Variants in CPED1 observed in about 807,000 individuals in gnomAD.
The protein encoded by CPED1 is cadherin like and PC-esterase domain containing 1, also known as cadherin-like and PC-esterase domain-containing protein 1.
CPED1 carries 114 observed loss-of-function variants against 128.2 expected under a neutral mutation model. The observed-to-expected ratio is 0.89, with a 90% CI of 0.76 to 1.04. The LOEUF (loss-of-function observed/expected upper bound fraction) is 1.04. Ranked by LOEUF, CPED1 falls within the 50% of genes least tolerant of loss-of-function variation. CPED1 has a pLI of 0.00. For synonymous variants in CPED1, 462 were observed against 426.7 expected (o/e 1.08, Z -1.02); for missense variants, 1,211 against 1,207.1 (o/e 1.00, Z -0.05).
At chr7:121,031,730 C>T (rs1270114653) in intron 3 of CPED1, among the ~76,000 whole-genome samples, 2 of 152,084 alleles carry the variant, frequency 1.3e-5, no homozygotes, top group Non-Finnish European at 2.9e-5. Context: ...AAAAATGACA[C>T]AAAATGTCTA....
chr7:121,111,722 A>T (rs1776095071), intron 7 of CPED1, among the ~76,000 whole-genome samples: 1 of 152,106 alleles, frequency 6.6e-6, no homozygotes, highest in South Asian at 2.1e-4. Flanking sequence ...AAAAAGAAAA[A>T]ACACATGAGG....
intron 6 of CPED1, 92 bp from the exon 7 acceptor site, chr7:121,099,834 T>C (rs1215687870): frequency 1.5e-6 from 2 of 1,345,320 alleles, no homozygotes; most frequent in Non-Finnish European, 2.0e-6. Context: ...CTACAAAGGA[T>C]AGAAGCAGTT....
At chr7:121,101,025 C>A (rs1794838846) in intron 7 of CPED1, among the ~76,000 whole-genome samples, 1 of 152,100 alleles carries the variant, frequency 6.6e-6, no homozygotes, top group Non-Finnish European at 1.5e-5. Context: ...GTTGTACATT[C>A]TTTACCTATA....
chr7:121,011,517 G>T (rs981444661), intron 2 of CPED1, among the ~76,000 whole-genome samples: 3 of 152,096 alleles, frequency 2.0e-5, no homozygotes, highest in African/African-American at 7.2e-5. Context: ...TCTACACATT[G>T]AAGGAAAAGA....
intron 16 of CPED1, among the ~76,000 whole-genome samples, chr7:121,190,944 A>G (rs771812257): frequency 2.0e-5 from 3 of 152,166 alleles, no homozygotes; most frequent in Non-Finnish European, 4.4e-5. Context: ...TCGCACGCAT[A>G]CAAATCAGAT....
intron 22 of CPED1, among the ~76,000 whole-genome samples, chr7:121,293,778 G>A (rs1792763042): frequency 6.6e-6 from 1 of 151,946 alleles, no homozygotes; most frequent in Admixed American, 6.6e-5. Context: ...CTAACCCCTT[G>A]TGCTTCCTTG....
Position 121,014,559 on chromosome 7 carries a change from A to T in CPED1, c.250-1106A>T, listed in dbSNP as rs551005579. The stretch of plus-strand genomic sequence containing the variant: ...AGCGAGACTTTGTCTCAAAAAAAAA[A>T]AATAATAATAATAATAATAAAATAA... On this transcript the variant is annotated intron_variant, in intron 2 of 22. Transcript: ENST00000310396. Among the ~76,000 whole-genome samples the T allele has an allele frequency of 3.9e-3, 577 of 148,312 alleles. 8 individuals are homozygous for T. The highest frequency in any genetic ancestry group is 0.01 in the African/African-American group (409 of 40,680).
chr7:121,260,802 T>G (rs1791998361), intron 18 of CPED1, among the ~76,000 whole-genome samples: 1 of 152,090 alleles, frequency 6.6e-6, no homozygotes, highest in Non-Finnish European at 1.5e-5. Context: ...GAAATCTACG[T>G]GCACTTTATT....
chr7:121,266,900 A>G, intron 20 of CPED1, 92 bp downstream of exon 20: 1 of 879,730 alleles, frequency 1.1e-6, no homozygotes, highest in South Asian at 1.5e-5. Context: ...TTATTTAAAG[A>G]ACAACTTATA....
intron 16 of CPED1, among the ~76,000 whole-genome samples, chr7:121,155,050 T>A (rs1241389822): frequency 6.6e-6 from 1 of 152,018 alleles, no homozygotes; most frequent in African/African-American, 2.4e-5. Context: ...CATACAAAAA[T>A]CAATGGCATT....
intron 13 of CPED1, among the ~76,000 whole-genome samples, chr7:121,134,602 A>C (rs1369565294): frequency 1.3e-5 from 2 of 152,092 alleles, no homozygotes; most frequent in Non-Finnish European, 1.5e-5. Context: ...TGATCTCATC[A>C]CAAAGAAATG....
chr7:121,268,511 G>A (rs1206599616), intron 21 of CPED1, among the ~76,000 whole-genome samples: 1 of 152,078 alleles, frequency 6.6e-6, no homozygotes, highest in East Asian at 1.9e-4. Flanking sequence ...AAAAGGAAAA[G>A]GGGGATAATT....
chr7:120,996,212 A>G (rs967114647), intron 2 of CPED1, among the ~76,000 whole-genome samples: 2 of 152,066 alleles, frequency 1.3e-5, no homozygotes, highest in African/African-American at 4.8e-5. Flanking sequence ...TGAGCCAGGG[A>G]TGTCAAGGCT....
intron 3 of CPED1, among the ~76,000 whole-genome samples, chr7:121,032,522 C>T (rs908405981): frequency 0.01 from 88 of 8,416 alleles, no homozygotes; most frequent in Non-Finnish European, 0.016. Flanking sequence ...CATCATACCG[C>T]GGGGGGGGCC....
chr7:121,195,988 C>T (rs549123230), intron 16 of CPED1, among the ~76,000 whole-genome samples: 31 of 152,132 alleles, frequency 2.0e-4, no homozygotes, highest in Admixed American at 6.6e-4. Flanking sequence ...CTTAGGTTGC[C>T]GCTTTCCTAG....
intron 5 of CPED1, among the ~76,000 whole-genome samples, chr7:121,088,574 G>T (rs954959852): frequency 2.6e-5 from 4 of 151,068 alleles, no homozygotes; most frequent in Admixed American, 1.3e-4. Context: ...CAGGAGAATC[G>T]CATGAATCCG....
intron 16 of CPED1, among the ~76,000 whole-genome samples, chr7:121,144,880 A>G (rs1479576699): frequency 1.3e-5 from 2 of 152,036 alleles, no homozygotes; most frequent in Non-Finnish European, 2.9e-5. Context: ...GAAATACTGT[A>G]TTTCACTTAT....
At chr7:121,222,409 T>C (rs1431532566) in intron 16 of CPED1, among the ~76,000 whole-genome samples, 1 of 152,192 alleles carries the variant, frequency 6.6e-6, no homozygotes, top group Non-Finnish European at 1.5e-5. Flanking sequence ...AGCTTTGTTC[T>C]TTTTGCTTAG....
chr7:121,027,608 C>T (rs1281358649), intron 3 of CPED1, among the ~76,000 whole-genome samples: 3 of 152,104 alleles, frequency 2.0e-5, no homozygotes, highest in Non-Finnish European at 4.4e-5. Context: ...TCAGCTCAAC[C>T]AACTGAGGAA....
Sources: allele counts gnomAD v4.1 joint callset (sites outside exome capture counted in the v4.1 genomes callset), GRCh38; gene constraint gnomAD v4.1.1; transcripts MANE v1.5; gene names NCBI Gene and HGNC (gene_info 2026-07-23, HGNC 2026-07-21).